Variants in PLXNA1 observed in about 807,000 individuals in gnomAD.
PLXNA1 encodes the protein plexin A1.
Under a neutral mutation model 191.7 loss-of-function variants are expected in PLXNA1, and 77 were observed. That is an observed-to-expected ratio of 0.40 (90% CI 0.33 to 0.49). The LOEUF is 0.49. Among genes scored for constraint, PLXNA1 ranks in the 20% least tolerant of loss-of-function variants. The probability of loss-of-function intolerance (pLI) is 0.63; values close to 1 mark genes in which losing one functional copy is unlikely to be tolerated. For missense variants in PLXNA1, 2,110 were observed against 2,660.2 expected, an observed-to-expected ratio of 0.79 and a Z score of 4.55; for synonymous variants, 1,137 against 1,156.4, an observed-to-expected ratio of 0.98 and a Z score of 0.34.
At chr3:127,004,567 C>A (rs1275901404) in intron 4 of PLXNA1, 44 bp from the exon 5 acceptor site, 2 of 1,400,740 alleles carry the variant, frequency 1.4e-6, no homozygotes, top group South Asian at 2.5e-5. Context: ...GGTCAAGGAC[C>A]CCTGGGGTGG....
Position 127,014,237 on chromosome 3 carries a change from C to A in PLXNA1, c.2466C>A (p.Ala822=), listed in dbSNP as rs192037345. The A allele has an allele frequency of 6.2e-7, 1 of 1,605,136 alleles. No individual in the cohort carries two copies. ...LRESCGLCLK[A]DPRFECGWCV... Reference sequence around the variant, plus strand: ...AGAGCTGCGGCCTCTGCCTCAAGGCCGACCCGCGCTTCGAGTGCGGATGGT... The same window carrying A: ...AGAGCTGCGGCCTCTGCCTCAAGGCAGACCCGCGCTTCGAGTGCGGATGGT... Residue 822 remains alanine, a synonymous_variant, in exon 12 of 32, where the codon GCC becomes GCA. Coordinates refer to ENST00000393409, the MANE Select transcript of PLXNA1 (RefSeq NM_032242.4).
intron 21 of PLXNA1, among the ~76,000 whole-genome samples, chr3:127,020,841 T>A: frequency 6.6e-6 from 1 of 152,180 alleles, no homozygotes; most frequent in Non-Finnish European, 1.5e-5. Context: ...CCTGATGAAG[T>A]CTGCTATGGC....
intron 23 of PLXNA1, among the ~76,000 whole-genome samples, chr3:127,024,603 C>T (rs1325720509): frequency 6.6e-6 from 1 of 152,142 alleles, no homozygotes; most frequent in Non-Finnish European, 1.5e-5. Context: ...TGACCCCAGC[C>T]CACCCTCGTT....
intron 1 of PLXNA1, among the ~76,000 whole-genome samples, chr3:126,987,864 T>G (rs921013080): frequency 1.3e-5 from 2 of 149,698 alleles, no homozygotes; most frequent in African/African-American, 4.9e-5. Context: ...GCATGGGGCT[T>G]GGGGTCCCAC....
chr3:126,990,771 G>T (rs1487637933), intron 2 of PLXNA1, among the ~76,000 whole-genome samples: 1 of 152,220 alleles, frequency 6.6e-6, no homozygotes, highest in Non-Finnish European at 1.5e-5. Context: ...AGATGCGGTT[G>T]TCCACCCTCC....
intron 3 of PLXNA1, among the ~76,000 whole-genome samples, chr3:126,995,930 C>A (rs1013578958): frequency 6.6e-6 from 1 of 152,204 alleles, no homozygotes; most frequent in Non-Finnish European, 1.5e-5. Flanking sequence ...CAGCATCTCC[C>A]TGTGGCGGTC....
At chr3:127,013,943 G>C (rs1212402108) in intron 10 of PLXNA1, 77 bp from the exon 11 acceptor site, 6 of 1,323,206 alleles carry the variant, frequency 4.5e-6, no homozygotes, top group Non-Finnish European at 6.5e-6. Context: ...TGGCGCCCTG[G>C]TGGCTTTGTG....
Position 127,032,385 on chromosome 3 carries a change from A to C in PLXNA1, c.5232-2A>C. On this transcript the variant is annotated splice_acceptor_variant, in intron 29 of 31. Transcript: ENST00000393409. LOFTEE classifies it high-confidence loss of function. ...GAGCAGCGCCTGGACTCTCGCCTGC[A>C]GCCTGCCCCTGCGCTTCTGGGTGAA... is the stretch of plus-strand genomic sequence containing the variant. 6.2e-7 allele frequency: 1 copy of C among 1,613,598 alleles called. No homozygotes were observed. Among genetic ancestry groups the C allele is most frequent in the Non-Finnish European group, 8.5e-7 (1 of 1,179,902 alleles).
rs188377586 is a variant in PLXNA1 at position 127,023,463 on chromosome 3, G to A, written c.4362+645G>A. On this transcript the variant is annotated intron_variant, in intron 23 of 31. Coordinates refer to ENST00000393409, the MANE Select transcript of PLXNA1 (RefSeq NM_032242.4). ...TTAGCCCACTCCTGAGAGGTGGGAG[G>A]AGCCCGGTGTGTGCATGGTGAAGTG... 3.3e-5 allele frequency among the ~76,000 whole-genome samples: 5 copies of A among 152,336 alleles called. No homozygotes were observed. The East Asian group carries it at 9.7e-4, about 29-fold the overall frequency.
rs1289233580 is a variant in PLXNA1, at chr3:127,032,606, G to A, written c.5444+7G>A. On this transcript the variant is annotated splice_region_variant and intron_variant, in intron 30 of 31. Coordinates refer to ENST00000393409, the MANE Select transcript of PLXNA1 (RefSeq NM_032242.4). ...ACAAGAGCTGGGTGGAGAGGTAGGT[G>A]GAGGGTGCAGGGGTCGGGGGCAGGG... The A allele has an allele frequency of 6.2e-7, 1 of 1,613,044 alleles. No individual in the cohort carries two copies. The highest frequency in any genetic ancestry group is 2.2e-5 in the East Asian group (1 of 44,864).
At chr3:126,998,365 C>A (rs1454193761) in intron 3 of PLXNA1, among the ~76,000 whole-genome samples, 2 of 152,102 alleles carry the variant, frequency 1.3e-5, no homozygotes, top group Non-Finnish European at 2.9e-5. Context: ...AGAGAGGGCA[C>A]CAGGCAGCTG....
intron 9 of PLXNA1, among the ~76,000 whole-genome samples, chr3:127,009,672 C>G (rs953361993): frequency 6.6e-6 from 1 of 152,016 alleles, no homozygotes; most frequent in Non-Finnish European, 1.5e-5. Context: ...GGCCTAACCC[C>G]CAAGGCCACC....
intron 21 of PLXNA1, 146 bp from the exon 22 acceptor site, chr3:127,021,939 G>T: frequency 8.2e-7 from 1 of 1,215,418 alleles, no homozygotes; most frequent in Non-Finnish European, 1.1e-6. Context: ...GAGCTGAGGA[G>T]TCAGGGCAAC....
At chr3:127,029,607 C>T in intron 27 of PLXNA1, 71 bp downstream of exon 27, 7 of 1,503,596 alleles carry the variant, frequency 4.7e-6, no homozygotes, top group Non-Finnish European at 6.5e-6. Context: ...CCCCCGGGCT[C>T]CCACGCTGCA....
At chr3:126,999,923 G>A (rs1437347796) in intron 3 of PLXNA1, among the ~76,000 whole-genome samples, 2 of 152,108 alleles carry the variant, frequency 1.3e-5, no homozygotes, top group South Asian at 2.1e-4. Flanking sequence ...GCCCAGGGTC[G>A]ACTCGCCCGT....
chr3:127,007,838 G>T lies in PLXNA1; in HGVS notation c.2037G>T (p.Trp679Cys). ...SCVNGSFPCH[W>C]CKYRHVCTHN... Reference sequence around the variant, plus strand: ...TCAACGGCTCCTTTCCCTGCCACTGGTGCAAATACCGCCACGTGTGCACAC... The same window carrying T: ...TCAACGGCTCCTTTCCCTGCCACTGTTGCAAATACCGCCACGTGTGCACAC... Residue 679 changes from tryptophan (W) to cysteine (C), a missense_variant, in exon 9 of 32, where the codon TGG becomes TGT. Physicochemically the swap from Trp to Cys is radical, Grantham distance 215. Coordinates refer to ENST00000393409, the MANE Select transcript of PLXNA1 (RefSeq NM_032242.4). The T allele has an allele frequency of 6.2e-7, 1 of 1,612,992 alleles. No individual in the cohort carries two copies. Among genetic ancestry groups the T allele is most frequent in the African/African-American group, 1.3e-5 (1 of 75,044 alleles).
intron 1 of PLXNA1, among the ~76,000 whole-genome samples, chr3:126,986,515 G>A (rs2078959898): frequency 6.6e-6 from 1 of 152,182 alleles, no homozygotes; most frequent in Non-Finnish European, 1.5e-5. Context: ...AGAAGCATGG[G>A]GGGCTGCCGC....
chr3:127,032,083 TG>T (rs2079214366), intron 29 of PLXNA1: 1 of 387,876 alleles, frequency 2.6e-6, no homozygotes, highest in Non-Finnish European at 4.9e-6. Context: ...AGGAGGGTGG[TG>T]GCTGTGTGGA....
At chr3:127,009,651 T>C (rs1384764036) in intron 9 of PLXNA1, among the ~76,000 whole-genome samples, 18 of 149,394 alleles carry the variant, frequency 1.2e-4, no homozygotes, top group Admixed American at 1.1e-3. Flanking sequence ...AGCTTCCTGC[T>C]GAGACAGCCG....
Sources: allele counts gnomAD v4.1 joint callset (sites outside exome capture counted in the v4.1 genomes callset), GRCh38; gene constraint gnomAD v4.1.1; transcripts MANE v1.5; gene names NCBI Gene and HGNC (gene_info 2026-07-23, HGNC 2026-07-21).